Variants in RGS7 observed in about 807,000 individuals in gnomAD.
RGS7 encodes the protein regulator of G protein signaling 7, also known as regulator of G-protein signaling 7.
A neutral mutation model predicts 81.1 loss-of-function variants in RGS7; 27 were observed. That is an observed-to-expected ratio of 0.33 (90% CI 0.25 to 0.46). The LOEUF is 0.46. Ranked by LOEUF, RGS7 falls within the 20% of genes least tolerant of loss-of-function variation. The pLI, the probability that RGS7 is intolerant of heterozygous loss-of-function variation, is 1.00. For missense variants in RGS7, 396 were observed against 607.4 expected, an observed-to-expected ratio of 0.65 and a Z score of 3.66; for synonymous variants, 208 against 207.7, an observed-to-expected ratio of 1.00 and a Z score of -0.01.
intron 2 of RGS7, among the ~76,000 whole-genome samples, chr1:241,177,612 T>G (rs1451679723): frequency 6.6e-6 from 1 of 152,144 alleles, no homozygotes; most frequent in African/African-American, 2.4e-5. Flanking sequence ...GAAGCAAATG[T>G]GGAGACAGAG....
At chr1:241,057,139 T>C (rs1347301101) in intron 3 of RGS7, among the ~76,000 whole-genome samples, 1 of 152,110 alleles carries the variant, frequency 6.6e-6, no homozygotes, top group Non-Finnish European at 1.5e-5. Context: ...GATAGCCAAA[T>C]TGATAATTTT....
At chr1:240,956,934 C>T (rs576706263) in intron 4 of RGS7, among the ~76,000 whole-genome samples, 29 of 152,044 alleles carry the variant, frequency 1.9e-4, no homozygotes, top group African/African-American at 5.3e-4. Context: ...CGGTTAAGGC[C>T]GTCAAAAACA....
At chr1:240,920,889 TC>T (rs1673413888) in intron 6 of RGS7, among the ~76,000 whole-genome samples, 1 of 152,128 alleles carries the variant, frequency 6.6e-6, no homozygotes, top group Non-Finnish European at 1.5e-5. Context: ...TTTTTTTTTT[TC>T]ACCCATGCTG....
At chr1:240,845,817 A>G (rs1176116103) in intron 9 of RGS7, among the ~76,000 whole-genome samples, 3 of 152,224 alleles carry the variant, frequency 2.0e-5, no homozygotes, top group Non-Finnish European at 4.4e-5. Flanking sequence ...CATGTGTTTT[A>G]GAGTAATGTA....
chr1:240,919,271 A>G (rs1034083645), intron 6 of RGS7, among the ~76,000 whole-genome samples: 1 of 152,146 alleles, frequency 6.6e-6, no homozygotes, highest in African/African-American at 2.4e-5. Flanking sequence ...TTAAAAAATT[A>G]CCAAAAAGGA....
At chr1:241,210,928 G>A (rs373305739) in intron 2 of RGS7, among the ~76,000 whole-genome samples, 2 of 152,116 alleles carry the variant, frequency 1.3e-5, no homozygotes, top group Admixed American at 6.5e-5. Context: ...GGTCAATTGT[G>A]GTAACCAAAC....
At position 240,857,859 on chromosome 1, in the gene RGS7, G is replaced by A. The variant is rs151191339; in HGVS notation, c.609+10728C>T. On this transcript the variant is annotated intron_variant, in intron 9 of 18. Coordinates refer to ENST00000440928, the MANE Select transcript of RGS7 (RefSeq NM_001364886.1). ...GAATCATGGGGGTGGTTACCCCCAC[G>A]TTGTTCTCATGATAGTGAGTGAGTT... Among the ~76,000 whole-genome samples, 1,145 of 152,156 alleles carry A rather than the reference G, an allele frequency of 7.5e-3. 20 individuals are homozygous for A. Among genetic ancestry groups the A allele is most frequent in the African/African-American group, 0.026 (1,091 of 41,500 alleles).
chr1:241,024,012 A>G (rs7551129), intron 3 of RGS7, among the ~76,000 whole-genome samples: 2,479 of 152,270 alleles, frequency 0.016, 62 homozygotes, highest in African/African-American at 0.052. Flanking sequence ...TTGGCCTCCC[A>G]AAATTGTTGG....
intron 3 of RGS7, among the ~76,000 whole-genome samples, chr1:241,031,119 T>A (rs146868161): frequency 8.7e-4 from 132 of 152,286 alleles, no homozygotes; most frequent in Admixed American, 1.6e-3. Context: ...TCACTCCCCT[T>A]CCTGCTTCCT....
intron 2 of RGS7, among the ~76,000 whole-genome samples, chr1:241,201,303 T>C (rs975129507): frequency 2.6e-5 from 4 of 152,200 alleles, no homozygotes; most frequent in African/African-American, 9.7e-5. Flanking sequence ...ATGGACTTCT[T>C]TTCCTAAAGG....
intron 2 of RGS7, among the ~76,000 whole-genome samples, chr1:241,259,087 C>T (rs1297990131): frequency 4.6e-5 from 7 of 152,172 alleles, no homozygotes; most frequent in Non-Finnish European, 5.9e-5. Context: ...TTCGCTCACT[C>T]CCCATACTTC....
intron 6 of RGS7, among the ~76,000 whole-genome samples, chr1:240,904,374 A>AAC (rs1670496600): frequency 6.6e-6 from 1 of 152,178 alleles, no homozygotes; most frequent in African/African-American, 2.4e-5. Context: ...GCTCATCTTC[A>AAC]ACACACACAT....
At chr1:240,986,474 A>C (rs1685681394) in intron 3 of RGS7, among the ~76,000 whole-genome samples, 1 of 151,720 alleles carries the variant, frequency 6.6e-6, no homozygotes, top group Non-Finnish European at 1.5e-5. Context: ...AAATAGCAAG[A>C]CTCCCCTCCC....
intron 3 of RGS7, among the ~76,000 whole-genome samples, chr1:241,048,826 A>C (rs1460999378): frequency 6.6e-6 from 1 of 152,156 alleles, no homozygotes; most frequent in Non-Finnish European, 1.5e-5. Context: ...TTATTGTCTC[A>C]TGGTTCTGGA....
At chr1:240,906,583 T>C (rs1670855941) in intron 6 of RGS7, among the ~76,000 whole-genome samples, 2 of 152,244 alleles carry the variant, frequency 1.3e-5, no homozygotes, top group African/African-American at 4.8e-5. Flanking sequence ...CTCTGGGGAA[T>C]CCAACCTGTG....
intron 4 of RGS7, among the ~76,000 whole-genome samples, chr1:240,961,923 A>G (rs1572013483): frequency 6.6e-6 from 1 of 152,232 alleles, no homozygotes; most frequent in East Asian, 1.9e-4. Context: ...GAGAGGAAGG[A>G]AGGGAGGAAG....
chr1:241,252,048 T>TC (rs1253022981), intron 2 of RGS7, among the ~76,000 whole-genome samples: 1 of 149,488 alleles, frequency 6.7e-6, no homozygotes, highest in African/African-American at 2.5e-5. Context: ...TCTTTCTTTT[T>TC]CTTTTTTTTT....
rs2071516519 is a variant in RGS7, at chr1:241,180,392, CAAAA to C, written c.79-81634_79-81631del. Among the ~76,000 whole-genome samples the C allele has an allele frequency of 4.0e-5, 6 of 151,438 alleles. No individual in the cohort carries two copies. The South Asian group carries it at 1.3e-3, about 32-fold the overall frequency. On this transcript the variant is annotated intron_variant, in intron 2 of 18. Transcript: ENST00000440928. ...TCCATCTCAAAAAAAACCAAAAAAACAAAACAACAACAACAACAAAAAACACAGA... is the reference window on the plus strand; with the variant it reads ...TCCATCTCAAAAAAAACCAAAAAAACCAACAACAACAACAAAAAACACAGA...
intron 3 of RGS7, among the ~76,000 whole-genome samples, chr1:241,022,171 C>G (rs934219513): frequency 2.6e-5 from 4 of 152,158 alleles, no homozygotes; most frequent in Non-Finnish European, 4.4e-5. Context: ...AATCTCACAT[C>G]ATGTATTAAA....
Sources: gnomAD v4.1 joint callset for allele counts (sites outside exome capture counted in the v4.1 genomes callset) on GRCh38, gnomAD v4.1.1 for gene constraint, MANE v1.5 for transcripts, NCBI Gene and HGNC (gene_info 2026-07-23, HGNC 2026-07-21) for gene names.